The following PSD3 variants were observed in gnomAD, a reference collection of about 807,000 sequenced individuals.
PSD3 encodes the protein PH and SEC7 domain-containing protein 3.
PSD3 carries 49 observed loss-of-function variants against 105.5 expected under a neutral mutation model. The observed-to-expected ratio is 0.46, with a 90% CI of 0.37 to 0.59. The LOEUF (loss-of-function observed/expected upper bound fraction) is 0.59, where lower values mean the gene tolerates loss of function less well. Among genes scored for constraint, PSD3 ranks in the 20% least tolerant of loss-of-function variants. The pLI, the probability that PSD3 is intolerant of heterozygous loss-of-function variation, is 0.00. For missense variants in PSD3, 1,561 were observed against 1,263.8 expected (o/e 1.24, Z -3.57); for synonymous variants, 557 against 457.8 (o/e 1.22, Z -2.77).
At chr8:18,884,042 T>A (rs6586783) in intron 2 of PSD3, among the ~76,000 whole-genome samples, 96,903 of 152,062 alleles carry the variant, frequency 0.64, 31,584 homozygotes, top group African/African-American at 0.76. Context: ...AAGCTTAAAA[T>A]CACATTCCCC....
At chr8:18,804,499 G>C (rs1586063246) in intron 6 of PSD3, 23 bp downstream of exon 6, 1 of 1,548,946 alleles carries the variant, frequency 6.5e-7, no homozygotes. Context: ...GCAATGACGA[G>C]CAGCAAGGAG....
intron 9 of PSD3, among the ~76,000 whole-genome samples, chr8:18,658,668 A>G (rs776834888): frequency 6.6e-6 from 1 of 151,938 alleles, no homozygotes; most frequent in Non-Finnish European, 1.5e-5. Flanking sequence ...GGTTACACCT[A>G]TATAACTCTT....
intron 9 of PSD3, among the ~76,000 whole-genome samples, chr8:18,686,948 A>T (rs562034870): frequency 6.6e-6 from 1 of 152,080 alleles, no homozygotes; most frequent in African/African-American, 2.4e-5. Flanking sequence ...ATCCTTCCTT[A>T]AACAGCAGCC....
chr8:18,563,023 C>T (rs1418157136), intron 14 of PSD3, among the ~76,000 whole-genome samples: 6 of 152,324 alleles, frequency 3.9e-5, no homozygotes, highest in Non-Finnish European at 4.4e-5. Context: ...TAAATGTCTA[C>T]GTCATATGCT....
intron 1 of PSD3, among the ~76,000 whole-genome samples, chr8:19,045,936 T>C (rs1051916938): frequency 6.6e-6 from 1 of 152,246 alleles, no homozygotes; most frequent in African/African-American, 2.4e-5. Context: ...TCATTTCTTT[T>C]AAATCTCCTT....
At chr8:18,891,001 G>C (rs1026906233) in intron 2 of PSD3, among the ~76,000 whole-genome samples, 4 of 152,076 alleles carry the variant, frequency 2.6e-5, no homozygotes, top group African/African-American at 9.7e-5. Flanking sequence ...AGAAAGGAAA[G>C]ATCAAAAAAG....
intron 9 of PSD3, among the ~76,000 whole-genome samples, chr8:18,743,064 A>T (rs989142325): frequency 1.6e-4 from 25 of 152,162 alleles, no homozygotes; most frequent in Non-Finnish European, 3.1e-4. Flanking sequence ...TACTTAATAA[A>T]TATTGATAGC....
chr8:18,764,045 C>A (rs1052910804), intron 9 of PSD3, among the ~76,000 whole-genome samples: 1 of 152,162 alleles, frequency 6.6e-6, no homozygotes, highest in African/African-American at 2.4e-5. Flanking sequence ...ATTAACCATA[C>A]ACGGTTTCAT....
chr8:18,710,350 A>C (rs2129421444), intron 9 of PSD3, among the ~76,000 whole-genome samples: 1 of 152,328 alleles, frequency 6.6e-6, no homozygotes, highest in Middle Eastern at 3.4e-3. Context: ...TTATGTAAAA[A>C]GACAAAACCT....
intron 1 of PSD3, 90 bp downstream of exon 1, chr8:19,013,473 G>T: frequency 1.9e-6 from 3 of 1,552,058 alleles, no homozygotes; most frequent in South Asian, 2.2e-5. Context: ...GATCCTGGGG[G>T]ACAGAGCGGC....
intron 9 of PSD3, among the ~76,000 whole-genome samples, chr8:18,671,101 G>A (rs1470455259): frequency 6.6e-6 from 1 of 152,146 alleles, no homozygotes; most frequent in African/African-American, 2.4e-5. Context: ...GGACGATGCT[G>A]TATAACACAA....
At chr8:18,832,763 T>C (rs755323822) in intron 4 of PSD3, among the ~76,000 whole-genome samples, 62 of 152,322 alleles carry the variant, frequency 4.1e-4, no homozygotes, top group Non-Finnish European at 6.0e-4. Context: ...AAGGCATGTC[T>C]TACATGGTGG....
rs1272311455 is a variant in PSD3, at chr8:18,527,580, GAAC to G, written c.*8160_*8162del. On this transcript the variant is annotated 3_prime_UTR_variant, in exon 16 of 16. Coordinates refer to ENST00000327040, the MANE Select transcript of PSD3 (RefSeq NM_015310.4). The stretch of plus-strand genomic sequence containing the variant: ...TTGTCTACAAGGTTTAGATTTACTT[GAAC>G]AACAGTGAAATAGGGTAATATTTAT... 7.2e-5 allele frequency: 11 copies of G among 152,604 alleles called. 1 individual carries two copies. Among genetic ancestry groups the G allele is most frequent in the African/African-American group, 1.7e-4 (7 of 41,516 alleles). 9.5% of individuals were successfully genotyped at this position (152,604 alleles called of 1,614,324 possible). A position where few individuals can be genotyped will look rare whatever the true frequency, so the allele number is the denominator to read the frequency against.
At chr8:18,900,657 T>G (rs1819447360) in intron 2 of PSD3, among the ~76,000 whole-genome samples, 1 of 149,922 alleles carries the variant, frequency 6.7e-6, no homozygotes, top group Non-Finnish European at 1.5e-5. Flanking sequence ...TTTTTTTTTT[T>G]TTTTTTTTTG....
chr8:18,987,406 G>A (rs1012284469), intron 1 of PSD3, among the ~76,000 whole-genome samples: 7 of 151,842 alleles, frequency 4.6e-5, no homozygotes, highest in Admixed American at 2.0e-4. Context: ...TCCTGCCTCA[G>A]CCTCCCAAGT....
chr8:18,982,128 G>T (rs1825278262), intron 1 of PSD3, among the ~76,000 whole-genome samples: 1 of 152,158 alleles, frequency 6.6e-6, no homozygotes, highest in South Asian at 2.1e-4. Context: ...TCTGAACAAT[G>T]TTCACAGCAT....
At position 18,872,691 on chromosome 8, in the gene PSD3, T is replaced by C; in HGVS notation, c.173A>G (p.Asn58Ser). ...GSTLLPPNVT[N>S]EFPEYGTMEE... ...CATGGTCCCATATTCTGGAAATTCA[T>C]TTGTGACATTTGGTGGGAGTAAAGT... is the stretch of plus-strand genomic sequence containing the variant. Residue 58 changes from asparagine to serine, a missense_variant, in exon 3 of 16, where the codon AAT becomes AGT. Physicochemically the swap from Asn to Ser is conservative, Grantham distance 46. Transcript: ENST00000327040. 1 of 1,586,876 alleles carries C rather than the reference T, an allele frequency of 6.3e-7. No homozygotes were observed. Among genetic ancestry groups the C allele is most frequent in the Non-Finnish European group, 8.6e-7 (1 of 1,169,140 alleles).
chr8:18,746,141 A>G (rs942995929), intron 9 of PSD3, among the ~76,000 whole-genome samples: 1 of 152,288 alleles, frequency 6.6e-6, no homozygotes, highest in African/African-American at 2.4e-5. Context: ...TATTTTACAT[A>G]TACCCTTTCC....
rs768995988 is a variant in PSD3, at chr8:18,804,614, C to G, written c.1830-12G>C. The G allele has an allele frequency of 6.2e-7, 1 of 1,611,818 alleles. No individual in the cohort carries two copies. Among genetic ancestry groups the G allele is most frequent in the East Asian group, 2.2e-5 (1 of 44,870 alleles). ...TGCTAAATTCGTTGCTATAAGAAAACAGAATAGACTTGGTTATTGAAAGGT... is the reference window on the plus strand; with the variant it reads ...TGCTAAATTCGTTGCTATAAGAAAAGAGAATAGACTTGGTTATTGAAAGGT... On this transcript the variant is annotated splice_polypyrimidine_tract_variant and intron_variant, in intron 5 of 15. Transcript: ENST00000327040.
Sources: allele counts gnomAD v4.1 joint callset (sites outside exome capture counted in the v4.1 genomes callset), GRCh38; gene constraint gnomAD v4.1.1; transcripts MANE v1.5; gene names NCBI Gene and HGNC (gene_info 2026-07-23, HGNC 2026-07-21).